The following TRIM59 variants were observed in gnomAD, a reference collection of about 807,000 sequenced individuals.
TRIM59 encodes tripartite motif containing 59.
TRIM59 carries 14 observed loss-of-function variants against 32.2 expected under a neutral mutation model. The ratio of observed to expected loss-of-function variants is 0.43; its 90% confidence interval spans 0.29 to 0.68. The LOEUF (loss-of-function observed/expected upper bound fraction) is 0.68. TRIM59 is among the 30% of genes least tolerant of loss of function. The pLI, the probability that TRIM59 is intolerant of heterozygous loss-of-function variation, is 0.15. For missense variants in TRIM59, 471 were observed against 463.3 expected (o/e 1.02, Z -0.15); for synonymous variants, 163 against 155.1 (o/e 1.05, Z -0.38).
chr3:160,445,212 C>G (rs68069205), intron 2 of TRIM59, among the ~76,000 whole-genome samples: 12,309 of 151,982 alleles, frequency 0.081, 676 homozygotes, highest in African/African-American at 0.15. Flanking sequence ...CCCAGCAATT[C>G]GAGACCAGCC....
intron 1 of TRIM59, among the ~76,000 whole-genome samples, chr3:160,449,284 A>T (rs1408263510): frequency 6.6e-6 from 1 of 152,168 alleles, no homozygotes; most frequent in Non-Finnish European, 1.5e-5. Flanking sequence ...TAAAATGGGT[A>T]ACTGCACCTA....
At chr3:160,446,230 GT>G (rs1719522548) in intron 2 of TRIM59, among the ~76,000 whole-genome samples, 1 of 152,178 alleles carries the variant, frequency 6.6e-6, no homozygotes, top group Non-Finnish European at 1.5e-5. Flanking sequence ...TCCCTTGAGT[GT>G]GGACTAGGCC....
intron 2 of TRIM59, among the ~76,000 whole-genome samples, chr3:160,441,557 T>C (rs1226016042): frequency 1.3e-5 from 2 of 151,906 alleles, no homozygotes; most frequent in African/African-American, 4.8e-5. Flanking sequence ...ATTGAGACCA[T>C]CCTGCCTAAC....
chr3:160,445,056 TACCAA>T (rs962204040), intron 2 of TRIM59, among the ~76,000 whole-genome samples: 6 of 151,292 alleles, frequency 4.0e-5, no homozygotes, highest in Admixed American at 3.3e-4. Flanking sequence ...ACACTTTACT[TACCAA>T]ACCAAAAGGA....
Position 160,437,664 on chromosome 3 carries a change from T to C in TRIM59, c.*308A>G. ...AATTAACTGCAGTATATAATAATGG[T>C]AAAAGACAATATTGGTACAAGAATG... On this transcript the variant is annotated 3_prime_UTR_variant, in exon 3 of 3. Coordinates refer to ENST00000309784, the MANE Select transcript of TRIM59 (RefSeq NM_173084.3). The C allele has an allele frequency of 9.8e-7, 1 of 1,025,148 alleles. No individual in the cohort carries two copies. Among genetic ancestry groups the C allele is most frequent in the Non-Finnish European group, 1.2e-6 (1 of 856,174 alleles). The allele number at this position is 1,025,148 out of a possible 1,614,324, so 63.5% of individuals were successfully genotyped here.
Position 160,438,740 on chromosome 3 carries a change from C to A in TRIM59, c.444G>T (p.Leu148=). Residue 148 remains leucine (L), a synonymous_variant, in exon 3 of 3, where the codon CTG becomes CTT. Transcript: ENST00000309784. ...AGTGTGTGTCAGTCAACTGTTCAAG[C>A]AGTTTTTGAGGAGTGTCCTTTTCTT... ...YLKEKDTPQK[L]LEQLTDTHWT... The A allele has an allele frequency of 6.2e-7, 1 of 1,614,046 alleles. No individual in the cohort carries two copies. The highest frequency in any genetic ancestry group is 1.3e-5 in the African/African-American group (1 of 75,046).
chr3:160,449,492 T>C, intron 1 of TRIM59: 1 of 1,202,546 alleles, frequency 8.3e-7, no homozygotes, highest in Non-Finnish European at 1.1e-6. Flanking sequence ...ACAGAGGGCC[T>C]CCTCCCTCAC....
rs1374385953 is a variant in TRIM59 at position 160,436,656 on chromosome 3, G to A, written c.*1316C>T. 1.7e-6 allele frequency: 1 copy of A among 583,416 alleles called. No homozygotes were observed. Among genetic ancestry groups the A allele is most frequent in the Admixed American group, 6.4e-5 (1 of 15,744 alleles). The allele number at this position is 583,416 out of a possible 1,614,324, so 36.1% of individuals were successfully genotyped here. Reference sequence around the variant, plus strand: ...TACTAAAAATACAGAAAATTAGCTGGGCGTGGTAGCAGATGCCTGTAGTCC... The same window carrying A: ...TACTAAAAATACAGAAAATTAGCTGAGCGTGGTAGCAGATGCCTGTAGTCC... On this transcript the variant is annotated 3_prime_UTR_variant, in exon 3 of 3. Coordinates refer to ENST00000309784, the MANE Select transcript of TRIM59 (RefSeq NM_173084.3).
In TRIM59 at chr3:160,438,496, C is replaced by T. The variant is rs749335165; in HGVS notation, c.688G>A (p.Glu230Lys). 1.2e-6 allele frequency: 2 copies of T among 1,612,612 alleles called. No individual in the cohort carries two copies. Among genetic ancestry groups the T allele is most frequent in the South Asian group, 1.1e-5 (1 of 90,492 alleles). Reference sequence around the variant, plus strand: ...AGTGCCATTAATTCAAGCTGCTGCTCTCGTATTTCCTTCATTCTTTCAATT... The same window carrying T: ...AGTGCCATTAATTCAAGCTGCTGCTTTCGTATTTCCTTCATTCTTTCAATT... ...PQIERMKEIREQQLELMALTI... is the reference protein window; with the variant it reads ...PQIERMKEIRKQQLELMALTI... The change falls in exon 3 of 3, where the codon GAG becomes AAG. Residue 230 changes from glutamate to lysine, a missense_variant. By Grantham distance (56) the Glu-to-Lys change is moderately conservative. Coordinates refer to ENST00000309784, the MANE Select transcript of TRIM59 (RefSeq NM_173084.3).
Position 160,439,006 on chromosome 3 carries a change from T to C in TRIM59, c.178A>G (p.Arg60Gly), listed in dbSNP as rs376798956. 1.1e-5 allele frequency: 17 copies of C among 1,613,504 alleles called. No individual in the cohort carries two copies. In the East Asian group the frequency reaches 2.2e-4, roughly 21 times the overall value. ...LRIPLKCPNCRSITEIAPTGI... is the reference protein window; with the variant it reads ...LRIPLKCPNCGSITEIAPTGI... Reference sequence around the variant, plus strand: ...GTTGGAGCAATTTCAGTAATACTTCTGCAATTAGGGCACTTGAGTGGAATT... The same window carrying C: ...GTTGGAGCAATTTCAGTAATACTTCCGCAATTAGGGCACTTGAGTGGAATT... The change falls in exon 3 of 3, where the codon AGA becomes GGA. Residue 60 changes from arginine (R) to glycine (G), a missense_variant. Transcript: ENST00000309784.
At position 160,436,059 on chromosome 3, in the gene TRIM59, CTGAG is replaced by C; in HGVS notation, c.*1909_*1912del. The C allele has an allele frequency of 8.5e-7, 1 of 1,177,336 alleles. No homozygotes were observed. Among genetic ancestry groups the C allele is most frequent in the Non-Finnish European group, 1.1e-6 (1 of 936,544 alleles). The allele number at this position is 1,177,336 out of a possible 1,614,324, so 72.9% of individuals were successfully genotyped here. A position where few individuals can be genotyped will look rare whatever the true frequency, so the allele number is the denominator to read the frequency against. ...TGCAACTTAGTATTTTTATCTCTAG[CTGAG>C]TATGTGTCTCTCCTTACCTCTACTA... On this transcript the variant is annotated 3_prime_UTR_variant, in exon 3 of 3. Transcript: ENST00000309784.
chr3:160,441,590 A>T (rs1719247242), intron 2 of TRIM59, among the ~76,000 whole-genome samples: 1 of 151,908 alleles, frequency 6.6e-6, no homozygotes, highest in African/African-American at 2.4e-5. Flanking sequence ...CGTCTCTACT[A>T]AAAATACAAA....
In TRIM59 at chr3:160,437,631, G is replaced by A. The variant is rs1016429707; in HGVS notation, c.*341C>T. 2.0e-6 allele frequency: 2 copies of A among 996,206 alleles called. No homozygotes were observed. Among genetic ancestry groups the A allele is most frequent in the Non-Finnish European group, 2.4e-6 (2 of 836,910 alleles). 61.7% of individuals were successfully genotyped at this position (996,206 alleles called of 1,614,324 possible). ...GATTTTGCTATATATATAAAGAACT[G>A]TAAAGCCAATTAACTGCAGTATATA... On this transcript the variant is annotated 3_prime_UTR_variant, in exon 3 of 3. Coordinates refer to ENST00000309784, the MANE Select transcript of TRIM59 (RefSeq NM_173084.3).
In TRIM59 at chr3:160,438,754, T is replaced by A. The variant is rs182115535; in HGVS notation, c.430A>T (p.Thr144Ser). ...LQSAYLKEKD[T>S]PQKLLEQLTD... ...AACTGTTCAAGCAGTTTTTGAGGAG[T>A]GTCCTTTTCTTTCAAATAGGCACTT... Residue 144 changes from threonine to serine, a missense_variant, in exon 3 of 3, where the codon ACT (threonine) becomes TCT (serine). Transcript: ENST00000309784. 56 of 1,613,980 alleles carry A rather than the reference T, an allele frequency of 3.5e-5. 1 individual carries two copies. The Admixed American group carries it at 9.2e-4, about 26-fold the overall frequency.
chr3:160,439,132 C>CA lies in TRIM59; in HGVS notation c.51dup (p.Glu18Ter). 1 of 1,512,524 alleles carries CA rather than the reference C, an allele frequency of 6.6e-7. No individual in the cohort carries two copies. The highest frequency in any genetic ancestry group is 8.8e-7 in the Non-Finnish European group (1 of 1,131,508). The allele number at this position is 1,512,524 out of a possible 1,614,324, so 93.7% of individuals were successfully genotyped here. A position where few individuals can be genotyped will look rare whatever the true frequency, so the allele number is the denominator to read the frequency against. ...GAGCATGGCAGTACACGAGGATCTTCAAAAATACTATAACATATGGGACAA... is the reference window on the plus strand; with the variant it reads ...GAGCATGGCAGTACACGAGGATCTTCAAAAAATACTATAACATATGGGACAA... On this transcript the variant is annotated frameshift_variant, in exon 3 of 3. Transcript: ENST00000309784. LOFTEE classifies it high-confidence loss of function.
chr3:160,440,119 A>G (rs539123566), intron 2 of TRIM59, among the ~76,000 whole-genome samples: 2 of 152,340 alleles, frequency 1.3e-5, no homozygotes, highest in Admixed American at 1.3e-4. Flanking sequence ...AAATTAGAAT[A>G]CAAGAACGCT....
At position 160,437,382 on chromosome 3, in the gene TRIM59, T is replaced by G; in HGVS notation, c.*590A>C. The G allele has an allele frequency of 2.1e-6, 2 of 963,218 alleles. No individual in the cohort carries two copies. The highest frequency in any genetic ancestry group is 2.4e-6 in the Non-Finnish European group (2 of 825,038). 59.7% of individuals were successfully genotyped at this position (963,218 alleles called of 1,614,324 possible). On this transcript the variant is annotated 3_prime_UTR_variant, in exon 3 of 3. Transcript: ENST00000309784. ...AATTTCTTTTAAAAAGCCACTTTAC[T>G]CTAACAGTTATCCAAAAGCAATAGT...
intron 2 of TRIM59, among the ~76,000 whole-genome samples, chr3:160,446,122 C>CT (rs1719517467): frequency 2.0e-5 from 3 of 152,050 alleles, no homozygotes; most frequent in Admixed American, 6.6e-5. Flanking sequence ...AGAATTGGTT[C>CT]TTTAAGTAAA....
At chr3:160,440,126 C>T (rs182999521) in intron 2 of TRIM59, among the ~76,000 whole-genome samples, 63 of 152,220 alleles carry the variant, frequency 4.1e-4, no homozygotes, top group South Asian at 1.7e-3. Context: ...AATACAAGAA[C>T]GCTTAAACCC....
Sources: gnomAD v4.1 joint callset for allele counts (sites outside exome capture counted in the v4.1 genomes callset) on GRCh38, gnomAD v4.1.1 for gene constraint, MANE v1.5 for transcripts, NCBI Gene and HGNC (gene_info 2026-07-23, HGNC 2026-07-21) for gene names.